Variants in GABRA5 observed in about 807,000 individuals in gnomAD.
GABRA5 encodes the protein gamma-aminobutyric acid type A receptor subunit alpha5, also known as gamma-aminobutyric acid receptor subunit alpha-5.
Under a neutral mutation model 47.3 loss-of-function variants are expected in GABRA5, and 18 were observed. The observed-to-expected ratio is 0.38, with a 90% CI of 0.26 to 0.56. GABRA5 has a LOEUF of 0.56. Ranked by LOEUF, GABRA5 falls within the 20% of genes least tolerant of loss-of-function variation. GABRA5 has a pLI of 0.71. For missense variants in GABRA5, 365 were observed against 599.3 expected (o/e 0.61, Z 4.08); for synonymous variants, 237 against 229.3 (o/e 1.03, Z -0.30).
chr15:26,914,021 G>C (rs1375297198), intron 6 of GABRA5, among the ~76,000 whole-genome samples: 1 of 152,152 alleles, frequency 6.6e-6, no homozygotes, highest in Non-Finnish European at 1.5e-5. Context: ...CGTGCTGTTA[G>C]GGTGAGATGA....
rs1210393412 is a variant in GABRA5, at chr15:26,867,972, C to A, written c.-139-757C>A. On this transcript the variant is annotated intron_variant, in intron 1 of 10. Coordinates refer to ENST00000335625, the MANE Select transcript of GABRA5 (RefSeq NM_000810.4). This position sits in a 1 kb window ranked among gnomAD's most constrained non-coding sequence, Gnocchi z 5.9. Reference sequence around the variant, plus strand: ...AAGCCGGGAGCGAGCCGGGGAGGGCCGGGGAGCTGGAGACCCTCGGCGTGC... The same window carrying A: ...AAGCCGGGAGCGAGCCGGGGAGGGCAGGGGAGCTGGAGACCCTCGGCGTGC... 6.6e-6 allele frequency: 1 copy of A among 152,034 alleles called. No individual in the cohort carries two copies. Among genetic ancestry groups the A allele is most frequent in the African/African-American group, 2.4e-5 (1 of 41,422 alleles). 9.4% of individuals were successfully genotyped at this position (152,034 alleles called of 1,614,324 possible).
Position 26,948,025 on chromosome 15 carries a change from C to T in GABRA5, c.1181C>T (p.Pro394Leu), listed in dbSNP as rs79610577. ...HPPNIPKEQT[P>L]AGTSNTTSVS... Reference sequence around the variant, plus strand: ...CCAAACATTCCGAAGGAACAGACCCCAGCAGGGACGTCGAATACAACCTCA... The same window carrying T: ...CCAAACATTCCGAAGGAACAGACCCTAGCAGGGACGTCGAATACAACCTCA... The change falls in exon 11 of 11, where the codon CCA becomes CTA. Residue 394 changes from proline (P) to leucine (L), a missense_variant. Transcript: ENST00000335625. 191 of 1,604,858 alleles carry T rather than the reference C, an allele frequency of 1.2e-4. 1 individual carries two copies. The highest frequency in any genetic ancestry group is 7.0e-4 in the Admixed American group (41 of 58,562).
At chr15:26,934,248 TAAAAAAAAAA>T (rs776194243) in intron 7 of GABRA5, among the ~76,000 whole-genome samples, 7 of 112,962 alleles carry the variant, frequency 6.2e-5, no homozygotes, top group Non-Finnish European at 1.3e-4. Flanking sequence ...AGAGAATGTT[TAAAAAAAAAA>T]AAAAAAAAAG....
intron 6 of GABRA5, among the ~76,000 whole-genome samples, chr15:26,893,775 C>T (rs1430150848): frequency 1.3e-5 from 2 of 151,954 alleles, no homozygotes; most frequent in African/African-American, 2.4e-5. Context: ...GCGGTGGGCA[C>T]GGAGTCTGGG....
At chr15:26,935,921 C>T (rs1403103595) in intron 7 of GABRA5, among the ~76,000 whole-genome samples, 1 of 152,162 alleles carries the variant, frequency 6.6e-6, no homozygotes, top group African/African-American at 2.4e-5. Context: ...TCTCAGATGG[C>T]CCCTGAAATG....
chr15:26,896,221 G>A (rs892547382), intron 6 of GABRA5, among the ~76,000 whole-genome samples: 2 of 152,144 alleles, frequency 1.3e-5, no homozygotes, highest in African/African-American at 4.8e-5. Flanking sequence ...AACATTTATC[G>A]GTGTCTCTGC....
intron 7 of GABRA5, among the ~76,000 whole-genome samples, chr15:26,920,688 C>T (rs1893822935): frequency 6.6e-6 from 1 of 152,166 alleles, no homozygotes. Context: ...AAAACATTCA[C>T]CTCTCCCAAT....
Position 26,869,182 on chromosome 15 carries a change from A to G in GABRA5, c.-67A>G. On this transcript the variant is annotated 5_prime_UTR_variant, in exon 3 of 11. Transcript: ENST00000335625. ...GCTTTGTGTGCTTTTCAGCTTCAAG[A>G]ACAAGCTGGAGAAGGGAAGAGTTAT... The G allele has an allele frequency of 1.0e-6, 1 of 974,364 alleles. No homozygotes were observed. Among genetic ancestry groups the G allele is most frequent in the East Asian group, 2.4e-5 (1 of 41,788 alleles). 60.4% of individuals were successfully genotyped at this position (974,364 alleles called of 1,614,324 possible).
At chr15:26,899,969 CTTTCA>C (rs1451106794) in intron 6 of GABRA5, among the ~76,000 whole-genome samples, 1 of 151,894 alleles carries the variant, frequency 6.6e-6, no homozygotes, top group Non-Finnish European at 1.5e-5. Context: ...TTCTACAGTT[CTTTCA>C]TTTCTTCTTT....
At chr15:26,899,519 A>G (rs1893276179) in intron 6 of GABRA5, among the ~76,000 whole-genome samples, 1 of 152,184 alleles carries the variant, frequency 6.6e-6, no homozygotes, top group South Asian at 2.1e-4. Context: ...CATTATTGAA[A>G]ATGGGATATT....
chr15:26,930,332 C>T (rs1894070205), intron 7 of GABRA5, among the ~76,000 whole-genome samples: 2 of 152,048 alleles, frequency 1.3e-5, no homozygotes, highest in African/African-American at 4.8e-5. Context: ...CTAACAATTC[C>T]ATCTTTAAGT....
chr15:26,896,061 C>T (rs1352419468), intron 6 of GABRA5, among the ~76,000 whole-genome samples: 1 of 152,062 alleles, frequency 6.6e-6, no homozygotes, highest in East Asian at 1.9e-4. Context: ...TTGCTCCCAC[C>T]CTTCAGTCAT....
chr15:26,944,721 G>T (rs569904004), intron 10 of GABRA5, among the ~76,000 whole-genome samples: 1 of 152,192 alleles, frequency 6.6e-6, no homozygotes, highest in African/African-American at 2.4e-5. Context: ...CTGGGGAGAC[G>T]GGGCTTCCCA....
intron 6 of GABRA5, among the ~76,000 whole-genome samples, chr15:26,899,007 C>T (rs945737673): frequency 4.6e-5 from 7 of 152,078 alleles, no homozygotes; most frequent in Non-Finnish European, 2.9e-5. Context: ...AGTAGTTAGG[C>T]ACATGACACC....
chr15:26,871,121 G>A (rs984930117), intron 3 of GABRA5, among the ~76,000 whole-genome samples: 4 of 152,340 alleles, frequency 2.6e-5, no homozygotes, highest in Admixed American at 1.3e-4. Flanking sequence ...TTGAACCCGG[G>A]AGGTGGAGGT....
intron 7 of GABRA5, among the ~76,000 whole-genome samples, chr15:26,931,405 C>G (rs940237064): frequency 2.0e-5 from 3 of 152,102 alleles, no homozygotes; most frequent in Non-Finnish European, 4.4e-5. Context: ...GTGGTAGGAG[C>G]GAGGGGTCTC....
intron 7 of GABRA5, among the ~76,000 whole-genome samples, chr15:26,917,250 C>T (rs186262701): frequency 2.3e-4 from 35 of 152,178 alleles, no homozygotes; most frequent in African/African-American, 7.5e-4. Context: ...TAATTTTCTT[C>T]TATTCCTTGT....
intron 7 of GABRA5, among the ~76,000 whole-genome samples, chr15:26,922,000 T>C (rs1024696096): frequency 2.0e-5 from 3 of 152,176 alleles, no homozygotes; most frequent in African/African-American, 7.2e-5. Context: ...AGCATTGTTT[T>C]ATGCACAATA....
At position 26,869,185 on chromosome 15, in the gene GABRA5, A is replaced by G. The variant is rs1892400594; in HGVS notation, c.-64A>G. On this transcript the variant is annotated 5_prime_UTR_variant, in exon 3 of 11. Transcript: ENST00000335625. ...TTGTGTGCTTTTCAGCTTCAAGAAC[A>G]AGCTGGAGAAGGGAAGAGTTATTCC... 1.0e-6 allele frequency: 1 copy of G among 991,806 alleles called. No individual in the cohort carries two copies. The highest frequency in any genetic ancestry group is 2.4e-5 in the East Asian group (1 of 41,848). 61.4% of individuals were successfully genotyped at this position (991,806 alleles called of 1,614,324 possible). A position where few individuals can be genotyped will look rare whatever the true frequency, so the allele number is the denominator to read the frequency against.
Sources: allele counts gnomAD v4.1 joint callset (sites outside exome capture counted in the v4.1 genomes callset), GRCh38; gene constraint gnomAD v4.1.1; non-coding constraint Gnocchi (gnomAD v3.1); transcripts MANE v1.5; gene names NCBI Gene and HGNC (gene_info 2026-07-23, HGNC 2026-07-21).